Variants in POLDIP2 observed in about 807,000 individuals in gnomAD.
POLDIP2 encodes the protein DNA polymerase delta interacting protein 2, also known as polymerase delta-interacting protein 2.
POLDIP2 carries 32 observed loss-of-function variants against 52.9 expected under a neutral mutation model. That is an observed-to-expected ratio of 0.61 (90% confidence interval 0.46 to 0.81). The LOEUF is 0.81. POLDIP2 is among the 40% of genes least tolerant of loss of function. The pLI, the probability that POLDIP2 is intolerant of heterozygous loss-of-function variation, is 0.00. For missense variants in POLDIP2, 371 were observed against 477.3 expected (o/e 0.78, Z 2.07); for synonymous variants, 183 against 183.0 (o/e 1.00, Z 0.00).
Position 28,353,808 on chromosome 17 carries a change from G to A in POLDIP2, c.342-17C>T, listed in dbSNP as rs371729042. On this transcript the variant is annotated splice_polypyrimidine_tract_variant and intron_variant, in intron 3 of 10. Coordinates refer to ENST00000540200, the MANE Select transcript of POLDIP2 (RefSeq NM_015584.5). Reference sequence around the variant, plus strand: ...TTCTCTGCTCTATGGGGTGGGAGAAGGAGGCCAAGATCACCCCAGGAGAAA... The same window carrying A: ...TTCTCTGCTCTATGGGGTGGGAGAAAGAGGCCAAGATCACCCCAGGAGAAA... 1.9e-6 allele frequency: 3 copies of A among 1,557,310 alleles called. No homozygotes were observed. The highest frequency in any genetic ancestry group is 2.7e-6 in the Non-Finnish European group (3 of 1,128,594).
Position 28,357,327 on chromosome 17 carries a change from G to A in POLDIP2, c.122C>T (p.Pro41Leu), listed in dbSNP as rs1908092870. The change falls in exon 1 of 11, where the codon CCA becomes CTA. Residue 41 changes from proline (P) to leucine (L), a missense_variant. By Grantham distance (98) the Pro-to-Leu change is moderately conservative (BLOSUM62 -3). Coordinates refer to ENST00000540200, the MANE Select transcript of POLDIP2 (RefSeq NM_015584.5). ...CAAAGAGAFSPASTTTTRRHL... is the reference protein window; with the variant it reads ...CAAAGAGAFSLASTTTTRRHL... ...CCTCCGCGTCGTCGTGGTCGACGCT[G>A]GCGAGAAGGCTCCAGCTCCGGCCGC... is the stretch of plus-strand genomic sequence containing the variant. 3 of 1,579,412 alleles carry A rather than the reference G, an allele frequency of 1.9e-6. No homozygotes were observed. Among genetic ancestry groups the A allele is most frequent in the African/African-American group, 2.8e-5 (2 of 72,430 alleles).
In POLDIP2 at chr17:28,346,760, A is replaced by G. The variant is rs1359211100; in HGVS notation, c.*1357T>C. The stretch of plus-strand genomic sequence containing the variant: ...TTTCAACTCCAAGCAGCCCAGGGGT[A>G]AGTAAACAAAGTATGGATGAAGGTC... On this transcript the variant is annotated 3_prime_UTR_variant, in exon 11 of 11. Transcript: ENST00000540200. 1 of 152,224 alleles carries G rather than the reference A, an allele frequency of 6.6e-6. No homozygotes were observed. The highest frequency in any genetic ancestry group is 1.5e-5 in the Non-Finnish European group (1 of 68,046). The allele number at this position is 152,224 out of a possible 1,614,324, so 9.4% of individuals were successfully genotyped here.
chr17:28,353,225 A>T lies in POLDIP2; in HGVS notation c.514+16T>A, dbSNP rs1467838153. On this transcript the variant is annotated intron_variant, in intron 5 of 10. Transcript: ENST00000540200. Reference sequence around the variant, plus strand: ...ACTCCTTCTTGACGGGCACCATTCAAATGCTAACTACTCACCTGGGATGGC... The same window carrying T: ...ACTCCTTCTTGACGGGCACCATTCATATGCTAACTACTCACCTGGGATGGC... 2 of 1,383,452 alleles carry T rather than the reference A, an allele frequency of 1.4e-6. No homozygotes were observed. The highest frequency in any genetic ancestry group is 3.4e-5 in the Admixed American group (2 of 58,448). The allele number at this position is 1,383,452 out of a possible 1,614,324, so 85.7% of individuals were successfully genotyped here.
rs1555579753 is a variant in POLDIP2 at position 28,350,548 on chromosome 17, G to A, written c.802C>T (p.Arg268Cys). 4.3e-6 allele frequency: 7 copies of A among 1,613,538 alleles called. No homozygotes were observed. Among genetic ancestry groups the A allele is most frequent in the Non-Finnish European group, 5.9e-6 (7 of 1,179,754 alleles). ...SHVYWWRYCI[R>C]LENLDSDVVQ... ...ACATCACTGTCAAGGTTCTCCAAAC[G>A]GATACAGTAGCGCCACTGAGGTGGG... The change falls in exon 9 of 11, where the codon CGT becomes TGT. Residue 268 changes from arginine to cysteine, a missense_variant. Coordinates refer to ENST00000540200, the MANE Select transcript of POLDIP2 (RefSeq NM_015584.5).
rs1040659078 is a variant in POLDIP2 at position 28,353,389 on chromosome 17, G to A, written c.439-73C>T. 1.9e-5 allele frequency: 15 copies of A among 785,450 alleles called. No homozygotes were observed. In the African/African-American group the frequency reaches 2.1e-4, roughly 11 times the overall value. 48.7% of individuals were successfully genotyped at this position (785,450 alleles called of 1,614,324 possible). On this transcript the variant is annotated intron_variant, in intron 4 of 10. Coordinates refer to ENST00000540200, the MANE Select transcript of POLDIP2 (RefSeq NM_015584.5). ...GTACAAAAATTAGGCTGGTGTGGTGGCAGATGCCTGTAATCCCAGCTACTC... is the reference window on the plus strand; with the variant it reads ...GTACAAAAATTAGGCTGGTGTGGTGACAGATGCCTGTAATCCCAGCTACTC...
At chr17:28,355,517 G>A (rs1432538741) in intron 2 of POLDIP2, among the ~76,000 whole-genome samples, 1 of 152,160 alleles carries the variant, frequency 6.6e-6, no homozygotes, top group Non-Finnish European at 1.5e-5. Flanking sequence ...TGAGGTAGGA[G>A]AACTGCTTAA....
intron 2 of POLDIP2, 145 bp downstream of exon 2, chr17:28,355,650 G>T (rs1317837242): frequency 2.5e-6 from 1 of 393,982 alleles, no homozygotes. Context: ...AATAAAAAAT[G>T]AATACAAATT....
chr17:28,348,992 G>T, intron 10 of POLDIP2, 91 bp downstream of exon 10: 1 of 836,002 alleles, frequency 1.2e-6, no homozygotes, highest in Non-Finnish European at 1.9e-6. Context: ...TTGGCCCAGA[G>T]TTAATGGCAA....
At position 28,354,570 on chromosome 17, in the gene POLDIP2, T is replaced by C. The variant is rs782448567; in HGVS notation, c.259A>G (p.Ile87Val). ...YETGQLFLHSIFGYRGVVLFP... is the reference protein window; with the variant it reads ...YETGQLFLHSVFGYRGVVLFP... ...AGGACGACACCTCGGTAGCCAAAAA[T>C]GCTATGAAGGAAAAGCTGGAAGGAA... is the stretch of plus-strand genomic sequence containing the variant. Residue 87 changes from isoleucine to valine, a missense_variant, in exon 3 of 11, where the codon ATT becomes GTT. Physicochemically the swap from Ile to Val is conservative, Grantham distance 29. Coordinates refer to ENST00000540200, the MANE Select transcript of POLDIP2 (RefSeq NM_015584.5). The C allele has an allele frequency of 2.6e-5, 41 of 1,558,036 alleles. No homozygotes were observed. Among genetic ancestry groups the C allele is most frequent in the Non-Finnish European group, 3.6e-5 (41 of 1,150,684 alleles).
intron 8 of POLDIP2, 52 bp downstream of exon 8, chr17:28,350,714 G>A: frequency 6.3e-7 from 1 of 1,579,968 alleles, no homozygotes; most frequent in Non-Finnish European, 8.6e-7. Flanking sequence ...CCTCCACCCT[G>A]ACCCCCAGGC....
At chr17:28,353,428 A>C (rs1555580393) in intron 4 of POLDIP2, 112 bp from the exon 5 acceptor site, 1 of 655,944 alleles carries the variant, frequency 1.5e-6, no homozygotes, top group Non-Finnish European at 2.8e-6. Context: ...TGGCTGAGGC[A>C]GGAGAATCAC....
chr17:28,357,196 G>A, intron 1 of POLDIP2, 92 bp downstream of exon 1: 1 of 1,201,126 alleles, frequency 8.3e-7, no homozygotes, highest in Non-Finnish European at 1.1e-6. Context: ...GTCACCCTCA[G>A]CAGGCCCGGG....
Position 28,350,468 on chromosome 17 carries a change from C to A in POLDIP2, c.882G>T (p.Glu294Asp). ...CCACTACCCCTCGGCCTCGCACTGT[C>A]TCCAAGGTGCCAGAGAGACTGAATA... ...WRIFSLSGTL[E>D]TVRGRGVVGR... Residue 294 changes from glutamate to aspartate, a missense_variant, in exon 9 of 11, where the codon GAG becomes GAT. Coordinates refer to ENST00000540200, the MANE Select transcript of POLDIP2 (RefSeq NM_015584.5). 2 of 1,612,424 alleles carry A rather than the reference C, an allele frequency of 1.2e-6. No homozygotes were observed. Among genetic ancestry groups the A allele is most frequent in the Non-Finnish European group, 1.7e-6 (2 of 1,179,240 alleles).
chr17:28,348,963 C>T, intron 10 of POLDIP2, 120 bp downstream of exon 10: 2 of 633,082 alleles, frequency 3.2e-6, no homozygotes, highest in South Asian at 1.9e-5. Context: ...GCAGATAAGG[C>T]TCCCTCTAAG....
At chr17:28,352,331 G>A (rs1555580154) in intron 6 of POLDIP2, among the ~76,000 whole-genome samples, 3 of 134,186 alleles carry the variant, frequency 2.2e-5, no homozygotes, top group Admixed American at 1.8e-4. Flanking sequence ...TGTGCCTCCC[G>A]GGTTCAAGCA....
At position 28,348,097 on chromosome 17, in the gene POLDIP2, C is replaced by T. The variant is rs201484357; in HGVS notation, c.*20G>A. 5.6e-4 allele frequency: 820 copies of T among 1,453,176 alleles called. No homozygotes were observed. Among genetic ancestry groups the T allele is most frequent in the Non-Finnish European group, 7.2e-4 (748 of 1,033,190 alleles). 90.0% of individuals were successfully genotyped at this position (1,453,176 alleles called of 1,614,324 possible). On this transcript the variant is annotated 3_prime_UTR_variant, in exon 11 of 11. Coordinates refer to ENST00000540200, the MANE Select transcript of POLDIP2 (RefSeq NM_015584.5). Reference sequence around the variant, plus strand: ...GTTCTTCCCGGTGACCAAGCCTGGGCACTTGGGGCCTCAGCTGGCCTACCA... The same window carrying T: ...GTTCTTCCCGGTGACCAAGCCTGGGTACTTGGGGCCTCAGCTGGCCTACCA...
intron 6 of POLDIP2, 101 bp from the exon 7 acceptor site, chr17:28,351,901 A>C: frequency 8.9e-7 from 1 of 1,127,862 alleles, no homozygotes; most frequent in South Asian, 1.3e-5. Context: ...CTCCTAGAAA[A>C]CCCTCCCTAG....
chr17:28,357,485 G>C lies in POLDIP2; in HGVS notation c.-37C>G. ...GCGCCCGCCCGGCTGCTGACACAGA[G>C]CCCGACCCGCGGCCGGGCGGCGTTC... On this transcript the variant is annotated 5_prime_UTR_variant, in exon 1 of 11. Coordinates refer to ENST00000540200, the MANE Select transcript of POLDIP2 (RefSeq NM_015584.5). The C allele has an allele frequency of 3.5e-6, 5 of 1,433,616 alleles. No individual in the cohort carries two copies. Among genetic ancestry groups the C allele is most frequent in the Non-Finnish European group, 4.5e-6 (5 of 1,105,180 alleles). 88.8% of individuals were successfully genotyped at this position (1,433,616 alleles called of 1,614,324 possible). A position where few individuals can be genotyped will look rare whatever the true frequency, so the allele number is the denominator to read the frequency against.
chr17:28,348,096 G>T lies in POLDIP2; in HGVS notation c.*21C>A. 6.9e-7 allele frequency: 1 copy of T among 1,439,006 alleles called. No individual in the cohort carries two copies. The highest frequency in any genetic ancestry group is 9.8e-7 in the Non-Finnish European group (1 of 1,020,254). 89.1% of individuals were successfully genotyped at this position (1,439,006 alleles called of 1,614,324 possible). On this transcript the variant is annotated 3_prime_UTR_variant, in exon 11 of 11. Transcript: ENST00000540200. Reference sequence around the variant, plus strand: ...TGTTCTTCCCGGTGACCAAGCCTGGGCACTTGGGGCCTCAGCTGGCCTACC... The same window carrying T: ...TGTTCTTCCCGGTGACCAAGCCTGGTCACTTGGGGCCTCAGCTGGCCTACC...
Sources: allele counts gnomAD v4.1 joint callset (sites outside exome capture counted in the v4.1 genomes callset), GRCh38; gene constraint gnomAD v4.1.1; transcripts MANE v1.5; gene names NCBI Gene and HGNC (gene_info 2026-07-23, HGNC 2026-07-21).